Variants in RPTOR observed in about 807,000 individuals in gnomAD.
RPTOR encodes the protein regulatory associated protein of MTOR complex 1.
Under a neutral mutation model 169.9 loss-of-function variants are expected in RPTOR, and 21 were observed. The ratio of observed to expected loss-of-function variants is 0.12; its 90% CI spans 0.09 to 0.18. RPTOR has a LOEUF of 0.18. Among genes scored for constraint, RPTOR ranks in the 10% least tolerant of loss-of-function variants. The pLI, the probability that RPTOR is intolerant of heterozygous loss-of-function variation, is 1.00. For synonymous variants in RPTOR, 732 were observed against 753.2 expected, an observed-to-expected ratio of 0.97 and a Z score of 0.46; for missense variants, 1,133 against 1,855.9, an observed-to-expected ratio of 0.61 and a Z score of 7.16.
intron 6 of RPTOR, among the ~76,000 whole-genome samples, chr17:80,781,659 A>G (rs541522826): frequency 6.6e-5 from 10 of 152,344 alleles, no homozygotes; most frequent in African/African-American, 2.4e-4. Flanking sequence ...GATAGAATCT[A>G]AATACACTGG....
chr17:80,706,378 C>T (rs1265706007), intron 3 of RPTOR, among the ~76,000 whole-genome samples: 6 of 152,186 alleles, frequency 3.9e-5, no homozygotes, highest in Non-Finnish European at 7.3e-5. Context: ...AGTAGCTCCT[C>T]GCATGACCCA....
Position 80,760,175 on chromosome 17 carries a change from GC to G in RPTOR, c.830+5991del, listed in dbSNP as rs538917586. Among the ~76,000 whole-genome samples the G allele has an allele frequency of 1.5e-3, 231 of 152,250 alleles. 1 individual carries two copies. The highest frequency in any genetic ancestry group is 3.4e-3 in the Middle Eastern group (1 of 294). ...TCGGCAGACCTGGTTCTGTGAAGGG[GC>G]AGACGCACTTGGGTTAGGCTTTTCG... On this transcript the variant is annotated intron_variant, in intron 6 of 33. Coordinates refer to ENST00000306801, the MANE Select transcript of RPTOR (RefSeq NM_020761.3).
intron 3 of RPTOR, among the ~76,000 whole-genome samples, chr17:80,689,146 T>G (rs1384489782): frequency 6.6e-6 from 1 of 152,262 alleles, no homozygotes; most frequent in African/African-American, 2.4e-5. Flanking sequence ...TGCAGCATTC[T>G]TAAAGTGACA....
chr17:80,964,211 C>A (rs3751937), intron 33 of RPTOR, 51 bp from the exon 34 acceptor site: 191,964 of 1,320,196 alleles, frequency 0.15, 12,820 homozygotes, highest in South Asian at 0.17. Flanking sequence ...CCGCCCCCCG[C>A]AGTGTCTGCC....
intron 1 of RPTOR, among the ~76,000 whole-genome samples, chr17:80,607,230 C>G (rs758666834): frequency 8.5e-5 from 13 of 152,290 alleles, no homozygotes; most frequent in Non-Finnish European, 1.6e-4. Flanking sequence ...TGAGCCACCG[C>G]GCCCAGCTTT....
intron 3 of RPTOR, among the ~76,000 whole-genome samples, chr17:80,698,811 G>T (rs536114924): frequency 6.6e-6 from 1 of 152,356 alleles, no homozygotes; most frequent in South Asian, 2.1e-4. Flanking sequence ...GCTCATGGAA[G>T]GCTGTCCCGG....
rs115292462 is a variant in RPTOR at position 80,583,738 on chromosome 17, T to C, written c.162+37947T>C. ...CTGCAGGTTCCCCTGAGGAAAGCTATTGTAGAGTAGAAACGAGAATGCACC... is the reference window on the plus strand; with the variant it reads ...CTGCAGGTTCCCCTGAGGAAAGCTACTGTAGAGTAGAAACGAGAATGCACC... On this transcript the variant is annotated intron_variant, in intron 1 of 33. Coordinates refer to ENST00000306801, the MANE Select transcript of RPTOR (RefSeq NM_020761.3). Among the ~76,000 whole-genome samples, 266 of 152,288 alleles carry C rather than the reference T, an allele frequency of 1.7e-3. 2 individuals are homozygous for C. Among genetic ancestry groups the C allele is most frequent in the African/African-American group, 5.9e-3 (245 of 41,564 alleles).
intron 20 of RPTOR, among the ~76,000 whole-genome samples, chr17:80,895,479 G>A (rs954142762): frequency 4.6e-5 from 7 of 152,216 alleles, no homozygotes; most frequent in African/African-American, 1.2e-4. Flanking sequence ...CTTGAGAGCC[G>A]CACGTGCAGG....
At position 80,908,657 on chromosome 17, in the gene RPTOR, G is replaced by A. The variant is rs115801410; in HGVS notation, c.2402-154G>A. Among the ~76,000 whole-genome samples, 451 of 152,294 alleles carry A rather than the reference G, an allele frequency of 3.0e-3. 1 individual carries two copies. The highest frequency in any genetic ancestry group is 0.011 in the African/African-American group (437 of 41,550). ...CTAGGATTCTTGAATCTCGGGACCC[G>A]TTGCCAGAATAACAAAATGGGGGCT... On this transcript the variant is annotated intron_variant, in intron 20 of 33. Transcript: ENST00000306801.
At chr17:80,895,762 C>T (rs151058055) in intron 20 of RPTOR, among the ~76,000 whole-genome samples, 36 of 152,364 alleles carry the variant, frequency 2.4e-4, no homozygotes, top group Admixed American at 3.9e-4. Flanking sequence ...TCTACCACGC[C>T]GGTCTTGGCC....
chr17:80,633,789 A>T lies in RPTOR; in HGVS notation c.265+7996A>T, dbSNP rs975894611. Among the ~76,000 whole-genome samples the T allele has an allele frequency of 6.6e-6, 1 of 152,134 alleles. No homozygotes were observed. The highest frequency in any genetic ancestry group is 6.5e-5 in the Admixed American group (1 of 15,278). ...CATGGCCTCCATTTTCATTCAGTGG[A>T]TTTAGAATCCAGTGTTATCCTTTGG... On this transcript the variant is annotated intron_variant, in intron 2 of 33. Coordinates refer to ENST00000306801, the MANE Select transcript of RPTOR (RefSeq NM_020761.3). The surrounding 1 kb of genome is among the most constrained non-coding windows in gnomAD (Gnocchi z 4.1).
At chr17:80,737,706 G>T (rs574355207) in intron 5 of RPTOR, among the ~76,000 whole-genome samples, 1 of 152,246 alleles carries the variant, frequency 6.6e-6, no homozygotes, top group East Asian at 1.9e-4. Flanking sequence ...ACCCATACTT[G>T]TGAAGGTTTT....
chr17:80,776,346 G>A (rs1333256084), intron 6 of RPTOR, among the ~76,000 whole-genome samples: 2 of 99,206 alleles, frequency 2.0e-5, no homozygotes, highest in African/African-American at 4.1e-5. Flanking sequence ...TTTTTGAGAT[G>A]GAGTCTCACT....
intron 16 of RPTOR, 144 bp downstream of exon 16, chr17:80,884,116 C>G: frequency 1.2e-6 from 1 of 827,852 alleles, no homozygotes; most frequent in Non-Finnish European, 1.8e-6. Context: ...GACAGTGGGA[C>G]CTTGGTGAGA....
intron 25 of RPTOR, chr17:80,945,417 C>A (rs924715330): frequency 5.8e-5 from 18 of 309,734 alleles, no homozygotes; most frequent in Non-Finnish European, 6.0e-6. Flanking sequence ...ACGGTGAAAC[C>A]CCATCTCTAC....
At chr17:80,890,688 G>A (rs1322782944) in intron 17 of RPTOR, among the ~76,000 whole-genome samples, 1 of 152,248 alleles carries the variant, frequency 6.6e-6, no homozygotes, top group Admixed American at 6.5e-5. Flanking sequence ...TGGGGTGCAG[G>A]TGAAGAGCCG....
At chr17:80,813,494 C>G (rs1598324123) in intron 7 of RPTOR, among the ~76,000 whole-genome samples, 1 of 152,140 alleles carries the variant, frequency 6.6e-6, no homozygotes, top group Non-Finnish European at 1.5e-5. Context: ...ATGAACTCAT[C>G]ACGCTTTTGC....
At chr17:80,846,057 C>G (rs367810278) in intron 10 of RPTOR, among the ~76,000 whole-genome samples, 2 of 152,246 alleles carry the variant, frequency 1.3e-5, no homozygotes, top group African/African-American at 4.8e-5. Context: ...GATTCACACA[C>G]CATGACTCCC....
chr17:80,736,318 T>C lies in RPTOR; in HGVS notation c.654+5612T>C, dbSNP rs142922863. ...TAAACACAATTGTGTGGTCCAGTCCTGCCACCTGTAGCAGTACACTCCCAA... is the reference window on the plus strand; with the variant it reads ...TAAACACAATTGTGTGGTCCAGTCCCGCCACCTGTAGCAGTACACTCCCAA... On this transcript the variant is annotated intron_variant, in intron 5 of 33. Transcript: ENST00000306801. Among the ~76,000 whole-genome samples the C allele has an allele frequency of 4.1e-3, 622 of 152,318 alleles. 3 individuals carry two copies. Among genetic ancestry groups the C allele is most frequent in the African/African-American group, 0.014 (593 of 41,566 alleles).
Sources: allele counts gnomAD v4.1 joint callset (sites outside exome capture counted in the v4.1 genomes callset), GRCh38; gene constraint gnomAD v4.1.1; non-coding constraint Gnocchi (gnomAD v3.1); transcripts MANE v1.5; gene names NCBI Gene and HGNC (gene_info 2026-07-23, HGNC 2026-07-21).